The following CCDC178 variants were observed in gnomAD, a reference collection of about 807,000 sequenced individuals.
The protein encoded by CCDC178 is coiled-coil domain containing 178, also known as coiled-coil domain-containing protein 178.
In CCDC178, 126 loss-of-function variants were observed where a neutral mutation model predicts 117.4. The observed-to-expected ratio is 1.07, with a 90% CI of 0.93 to 1.24. The LOEUF is 1.24. CCDC178 is among the 50% of genes most tolerant of loss of function. The pLI is 0.00. For synonymous variants in CCDC178, 283 were observed against 313.4 expected (o/e 0.90, Z 1.02); for missense variants, 1,030 against 986.9 (o/e 1.04, Z -0.59).
chr18:33,169,548 GA>G (rs771373727), intron 20 of CCDC178, among the ~76,000 whole-genome samples: 1 of 152,094 alleles, frequency 6.6e-6, no homozygotes, highest in Admixed American at 6.6e-5. Flanking sequence ...AAAGTTGACA[GA>G]AATAATAAAT....
At chr18:33,321,728 A>C (rs2062511270) in intron 11 of CCDC178, among the ~76,000 whole-genome samples, 1 of 151,922 alleles carries the variant, frequency 6.6e-6, no homozygotes, top group Non-Finnish European at 1.5e-5. Flanking sequence ...ACCAATAATC[A>C]ACATGAAAAA....
rs57033642 is a variant in CCDC178, at chr18:33,087,566, T to TTGTGTG, written c.2388+5189_2388+5194dup. ...TCTAAGAAACAGGGGCCAAAGCCAT[T>TTGTGTG]TGTGTGTGTGTGTGTGTGTGTGTGT... is the stretch of plus-strand genomic sequence containing the variant. On this transcript the variant is annotated intron_variant, in intron 21 of 22. Coordinates refer to ENST00000383096, the MANE Select transcript of CCDC178 (RefSeq NM_001105528.4). Among the ~76,000 whole-genome samples, 1,017 of 146,112 alleles carry TTGTGTG rather than the reference T, an allele frequency of 7.0e-3. 7 individuals are homozygous for TTGTGTG. Among genetic ancestry groups the TTGTGTG allele is most frequent in the Middle Eastern group, 0.017 (5 of 288 alleles).
chr18:32,945,201 AT>A (rs1390790898), intron 22 of CCDC178, among the ~76,000 whole-genome samples: 1 of 152,228 alleles, frequency 6.6e-6, no homozygotes, highest in African/African-American at 2.4e-5. Context: ...TGTTAGCAAT[AT>A]AAGGATACTT....
At chr18:33,044,537 G>A (rs1000907234) in intron 21 of CCDC178, among the ~76,000 whole-genome samples, 4 of 151,796 alleles carry the variant, frequency 2.6e-5, no homozygotes, top group African/African-American at 7.3e-5. Context: ...AACAGATGTT[G>A]ACGATGTGGA....
At chr18:33,052,310 C>T (rs570292141) in intron 21 of CCDC178, among the ~76,000 whole-genome samples, 63 of 152,266 alleles carry the variant, frequency 4.1e-4, no homozygotes, top group African/African-American at 1.5e-3. Flanking sequence ...AAATCATAAA[C>T]AGCAGGCATG....
chr18:33,143,898 C>G (rs1055599807), intron 20 of CCDC178, among the ~76,000 whole-genome samples: 2 of 152,010 alleles, frequency 1.3e-5, no homozygotes, highest in East Asian at 3.8e-4. Flanking sequence ...TGTATTAGGG[C>G]TTAGTAGAAA....
At chr18:33,074,073 T>G (rs1171861554) in intron 21 of CCDC178, among the ~76,000 whole-genome samples, 7 of 152,024 alleles carry the variant, frequency 4.6e-5, no homozygotes, top group Non-Finnish European at 1.0e-4. Context: ...GTAATCTGAA[T>G]GAGGAAGAGA....
At chr18:33,202,581 G>A (rs751696235) in intron 20 of CCDC178, among the ~76,000 whole-genome samples, 1 of 151,916 alleles carries the variant, frequency 6.6e-6, no homozygotes, top group East Asian at 1.9e-4. Flanking sequence ...TTTGGCATTG[G>A]GCTCTGTGGG....
In CCDC178 at chr18:33,160,986, A is replaced by G. The variant is rs886125805; in HGVS notation, c.2238+50910T>C. 2.0e-5 allele frequency among the ~76,000 whole-genome samples: 3 copies of G among 152,192 alleles called. 1 individual carries two copies. Among genetic ancestry groups the G allele is most frequent in the Admixed American group, 2.0e-4 (3 of 15,264 alleles). On this transcript the variant is annotated intron_variant, in intron 20 of 22. Coordinates refer to ENST00000383096, the MANE Select transcript of CCDC178 (RefSeq NM_001105528.4). The stretch of plus-strand genomic sequence containing the variant: ...TGGCAACAATGTCCCCAAAATATGT[A>G]ACTTTGGAAAATCTATTTTATTTCA...
chr18:33,324,769 A>AT (rs2062562799), intron 10 of CCDC178, among the ~76,000 whole-genome samples: 1 of 151,794 alleles, frequency 6.6e-6, no homozygotes, highest in Admixed American at 6.6e-5. Flanking sequence ...ATTTTCTTTA[A>AT]TAAGATTTCA....
Position 33,179,078 on chromosome 18 carries a change from A to AAAATATATATAT in CCDC178, c.2238+32817_2238+32818insATATATATATTT, listed in dbSNP as rs71159804. On this transcript the variant is annotated intron_variant, in intron 20 of 22. Coordinates refer to ENST00000383096, the MANE Select transcript of CCDC178 (RefSeq NM_001105528.4). ...ACTCAGTAAAAAAAAAAAAAAAAAA[A>AAAATATATATAT]ATATATATATATATATATATATATA... Among the ~76,000 whole-genome samples, 12 of 55,814 alleles carry AAAATATATATAT rather than the reference A, an allele frequency of 2.1e-4. 1 individual carries two copies. The highest frequency in any genetic ancestry group is 7.9e-4 in the African/African-American group (7 of 8,838). The allele number at this position is 55,814 out of a possible 152,430, so 36.6% of individuals were successfully genotyped here. A position where few individuals can be genotyped will look rare whatever the true frequency, so the allele number is the denominator to read the frequency against.
At chr18:33,195,496 A>G (rs1286184277) in intron 20 of CCDC178, among the ~76,000 whole-genome samples, 2 of 152,042 alleles carry the variant, frequency 1.3e-5, no homozygotes, top group African/African-American at 4.8e-5. Flanking sequence ...AGCTCAACAC[A>G]CACATAACTT....
At position 33,256,927 on chromosome 18, in the gene CCDC178, A is replaced by G. The variant is rs144911526; in HGVS notation, c.1409+9989T>C. On this transcript the variant is annotated intron_variant, in intron 14 of 22. Coordinates refer to ENST00000383096, the MANE Select transcript of CCDC178 (RefSeq NM_001105528.4). ...TTAGTTTGTTTTGTTCCCATTAACT[A>G]TTTAAAACTTAGATAGAATAAATCT... Among the ~76,000 whole-genome samples the G allele has an allele frequency of 1.2e-3, 184 of 152,206 alleles. 1 individual carries two copies. The highest frequency in any genetic ancestry group is 4.1e-3 in the African/African-American group (170 of 41,562).
At chr18:33,121,905 G>C (rs762252381) in intron 20 of CCDC178, among the ~76,000 whole-genome samples, 1 of 152,020 alleles carries the variant, frequency 6.6e-6, no homozygotes, top group African/African-American at 2.4e-5. Context: ...CTATTTTTAG[G>C]TATATTTAGA....
chr18:33,024,198 C>A (rs1013635555), intron 21 of CCDC178, among the ~76,000 whole-genome samples: 1 of 152,204 alleles, frequency 6.6e-6, no homozygotes, highest in African/African-American at 2.4e-5. Context: ...TATATACATT[C>A]TCTGTATCAA....
chr18:32,983,155 C>CAAA, intron 21 of CCDC178: 1 of 511,836 alleles, frequency 2.0e-6, no homozygotes, highest in East Asian at 3.1e-5. Context: ...AAAAAAACCA[C>CAAA]TTCTCAGTAC....
rs1304630897 is a variant in CCDC178 at position 33,379,123 on chromosome 18, AT to A, written c.209-8935del. ...TATATATATATATTTCCATATATAT[AT>A]AATATATATATTTCCATATATATAT... On this transcript the variant is annotated intron_variant, in intron 5 of 22. Transcript: ENST00000383096. Among the ~76,000 whole-genome samples, 27 of 6,548 alleles carry A rather than the reference AT, an allele frequency of 4.1e-3. 1 individual carries two copies. Among genetic ancestry groups the A allele is most frequent in the East Asian group, 0.016 (1 of 64 alleles). The allele number at this position is 6,548 out of a possible 152,430, so 4.3% of individuals were successfully genotyped here. A position where few individuals can be genotyped will look rare whatever the true frequency, so the allele number is the denominator to read the frequency against.
intron 21 of CCDC178, among the ~76,000 whole-genome samples, chr18:33,026,932 C>CA (rs1567941094): frequency 6.6e-6 from 1 of 151,804 alleles, no homozygotes; most frequent in African/African-American, 2.4e-5. Flanking sequence ...ATTCTTCAGG[C>CA]AGATGCAAAC....
At chr18:33,227,934 A>G (rs956631677) in intron 15 of CCDC178, among the ~76,000 whole-genome samples, 3 of 152,200 alleles carry the variant, frequency 2.0e-5, no homozygotes, top group African/African-American at 7.2e-5. Flanking sequence ...CTCTTCTAAC[A>G]TGATAGCAGA....
Sources: allele counts gnomAD v4.1 joint callset (sites outside exome capture counted in the v4.1 genomes callset), GRCh38; gene constraint gnomAD v4.1.1; transcripts MANE v1.5; gene names NCBI Gene and HGNC (gene_info 2026-07-23, HGNC 2026-07-21).